RIN3: variants seen among roughly 807,000 people sequenced by gnomAD.
RIN3 encodes the protein RAB5 interacting protein 3.
A neutral mutation model predicts 76.3 loss-of-function variants in RIN3; 54 were observed. The observed-to-expected ratio is 0.71, with a 90% CI of 0.57 to 0.89. The LOEUF is 0.89. RIN3 is among the 40% of genes least tolerant of loss of function. RIN3 has a pLI of 0.00. For synonymous variants in RIN3, 576 were observed against 564.0 expected (o/e 1.02, Z -0.30); for missense variants, 1,256 against 1,322.1 (o/e 0.95, Z 0.78).
chr14:92,532,329 C>T (rs1232766962), intron 1 of RIN3, among the ~76,000 whole-genome samples: 2 of 152,142 alleles, frequency 1.3e-5, no homozygotes, highest in Non-Finnish European at 2.9e-5. Context: ...GATAACTTTC[C>T]AGGATACAGG....
At chr14:92,635,552 A>G (rs1886742332) in intron 4 of RIN3, among the ~76,000 whole-genome samples, 1 of 152,312 alleles carries the variant, frequency 6.6e-6, no homozygotes, top group Non-Finnish European at 1.5e-5. Flanking sequence ...AATGTATTCA[A>G]TAGAAATACT....
At chr14:92,624,676 G>A (rs571028230) in intron 4 of RIN3, among the ~76,000 whole-genome samples, 2 of 152,286 alleles carry the variant, frequency 1.3e-5, no homozygotes, top group African/African-American at 4.8e-5. Flanking sequence ...AACAAGCATC[G>A]AAGGTAATGG....
At chr14:92,527,862 G>A (rs550557600) in intron 1 of RIN3, among the ~76,000 whole-genome samples, 1 of 152,274 alleles carries the variant, frequency 6.6e-6, no homozygotes, top group East Asian at 1.9e-4. Context: ...ATATTTCGTT[G>A]TGTGGATCTA....
chr14:92,617,026 C>G (rs1885994305), intron 4 of RIN3, among the ~76,000 whole-genome samples: 1 of 152,168 alleles, frequency 6.6e-6, no homozygotes, highest in African/African-American at 2.4e-5. Flanking sequence ...TGGCCAGGCA[C>G]GGTGGCCCAC....
chr14:92,664,923 C>T (rs1422472166), intron 7 of RIN3, among the ~76,000 whole-genome samples: 4 of 152,184 alleles, frequency 2.6e-5, no homozygotes, highest in Non-Finnish European at 4.4e-5. Context: ...GAATTTCCCC[C>T]TCATGTTCAG....
intron 3 of RIN3, among the ~76,000 whole-genome samples, chr14:92,582,975 G>A (rs930756308): frequency 6.6e-6 from 1 of 152,196 alleles, no homozygotes; most frequent in Non-Finnish European, 1.5e-5. Context: ...GAATCCCGCT[G>A]TTTTCTCCTG....
intron 4 of RIN3, 89 bp downstream of exon 4, chr14:92,615,568 GC>G: frequency 9.1e-7 from 1 of 1,103,466 alleles, no homozygotes; most frequent in Non-Finnish European, 1.4e-6. Context: ...TCACAGGGAA[GC>G]CCCAGAGGGA....
chr14:92,592,155 A>C (rs1360944584), intron 3 of RIN3, among the ~76,000 whole-genome samples: 2 of 152,148 alleles, frequency 1.3e-5, no homozygotes, highest in African/African-American at 4.8e-5. Flanking sequence ...TAATCCCAAC[A>C]CTTTGGGAGG....
intron 7 of RIN3, among the ~76,000 whole-genome samples, chr14:92,672,069 G>T (rs1241812137): frequency 6.6e-6 from 1 of 152,116 alleles, no homozygotes; most frequent in African/African-American, 2.4e-5. Flanking sequence ...ATTTGGGGTG[G>T]CCCTATCCTG....
chr14:92,638,574 G>A (rs556196243), intron 4 of RIN3, among the ~76,000 whole-genome samples: 2 of 152,322 alleles, frequency 1.3e-5, no homozygotes, highest in African/African-American at 2.4e-5. Flanking sequence ...TACACACGGC[G>A]ACGGAGGAAC....
chr14:92,573,523 T>C (rs569006070), intron 2 of RIN3, among the ~76,000 whole-genome samples: 1 of 152,292 alleles, frequency 6.6e-6, no homozygotes, highest in South Asian at 2.1e-4. Context: ...TCTAAGCAGG[T>C]GCTTAGTCTT....
At chr14:92,628,679 T>G (rs999392695) in intron 4 of RIN3, among the ~76,000 whole-genome samples, 6 of 152,206 alleles carry the variant, frequency 3.9e-5, no homozygotes, top group Non-Finnish European at 5.9e-5. Context: ...CTTAGCCAGT[T>G]GAATAGGAGA....
At chr14:92,666,535 A>C (rs962766901) in intron 7 of RIN3, among the ~76,000 whole-genome samples, 2 of 150,978 alleles carry the variant, frequency 1.3e-5, no homozygotes, top group African/African-American at 4.9e-5. Context: ...ACGGAAGCAA[A>C]TGGCTTTGGA....
intron 1 of RIN3, among the ~76,000 whole-genome samples, chr14:92,520,748 C>T (rs370195728): frequency 1.3e-5 from 2 of 152,174 alleles, no homozygotes; most frequent in Non-Finnish European, 2.9e-5. Flanking sequence ...AAGGGCTTTG[C>T]ATCTGAAATT....
chr14:92,556,088 A>C, intron 2 of RIN3, 133 bp downstream of exon 2: 3 of 764,180 alleles, frequency 3.9e-6, no homozygotes, highest in Non-Finnish European at 4.2e-6. Flanking sequence ...CCTTTCCTAC[A>C]TTTGTCAGCT....
rs570960626 is a variant in RIN3 at position 92,679,472 on chromosome 14, G to C, written c.2467+2866G>C. On this transcript the variant is annotated intron_variant, in intron 8 of 9. Coordinates refer to ENST00000216487, the MANE Select transcript of RIN3 (RefSeq NM_024832.5). ...CACAGCACCTAGGACAGCCAGCCTTGCAGGTGTTTGCCTCTGGCATCTAGA... is the reference window on the plus strand; with the variant it reads ...CACAGCACCTAGGACAGCCAGCCTTCCAGGTGTTTGCCTCTGGCATCTAGA... Among the ~76,000 whole-genome samples the C allele has an allele frequency of 2.7e-3, 411 of 152,370 alleles. 3 individuals are homozygous for C. The highest frequency in any genetic ancestry group is 4.9e-3 in the Non-Finnish European group (335 of 68,034).
At chr14:92,602,910 C>T (rs1429092902) in intron 3 of RIN3, among the ~76,000 whole-genome samples, 1 of 152,222 alleles carries the variant, frequency 6.6e-6, no homozygotes, top group Non-Finnish European at 1.5e-5. Flanking sequence ...CCCTTCCATT[C>T]TGGCTTTCAG....
chr14:92,576,495 C>T, intron 2 of RIN3: 1 of 1,055,342 alleles, frequency 9.5e-7, no homozygotes, highest in South Asian at 1.3e-5. Context: ...GACTTGGGAT[C>T]TGCATGCAGA....
At chr14:92,659,998 T>G (rs1887820510) in intron 7 of RIN3, among the ~76,000 whole-genome samples, 1 of 152,204 alleles carries the variant, frequency 6.6e-6, no homozygotes, top group African/African-American at 2.4e-5. Flanking sequence ...TTCCTCTTTT[T>G]GTAAGAACGC....
Sources: gnomAD v4.1 joint callset for allele counts (sites outside exome capture counted in the v4.1 genomes callset) on GRCh38, gnomAD v4.1.1 for gene constraint, MANE v1.5 for transcripts, NCBI Gene and HGNC (gene_info 2026-07-23, HGNC 2026-07-21) for gene names.